CCSER1: variants seen among roughly 807,000 people sequenced by gnomAD.
The protein encoded by CCSER1 is coiled-coil serine rich protein 1.
In CCSER1, 41 loss-of-function variants were observed where a neutral mutation model predicts 82.0. The observed-to-expected ratio is 0.50, with a 90% CI of 0.39 to 0.65. CCSER1 has a LOEUF of 0.65. Ranked by LOEUF, CCSER1 falls within the 30% of genes least tolerant of loss-of-function variation. CCSER1 has a pLI of 0.00. For missense variants in CCSER1, 1,119 were observed against 1,064.2 expected (o/e 1.05, Z -0.72); for synonymous variants, 414 against 383.9 (o/e 1.08, Z -0.92).
chr4:91,338,498 GA>G (rs1747473135), intron 10 of CCSER1, among the ~76,000 whole-genome samples: 1 of 152,046 alleles, frequency 6.6e-6, no homozygotes, highest in African/African-American at 2.4e-5. Flanking sequence ...AATGAAAAAT[GA>G]AAATAATTTA....
chr4:91,328,846 A>G (rs6532297), intron 10 of CCSER1, among the ~76,000 whole-genome samples: 118,539 of 151,656 alleles, frequency 0.78, 47,032 homozygotes, highest in African/African-American at 0.92. Flanking sequence ...GGGACCACGT[A>G]GAGATAGTTG....
intron 10 of CCSER1, among the ~76,000 whole-genome samples, chr4:91,595,782 T>A (rs533861641): frequency 2.4e-4 from 37 of 152,004 alleles, no homozygotes; most frequent in African/African-American, 8.4e-4. Context: ...TTTCACATGA[T>A]GTATGCAGCA....
At chr4:90,993,798 C>G (rs1737250922) in intron 9 of CCSER1, among the ~76,000 whole-genome samples, 1 of 152,076 alleles carries the variant, frequency 6.6e-6, no homozygotes, top group Non-Finnish European at 1.5e-5. Flanking sequence ...CTTCCAAACA[C>G]TACCATATTG....
chr4:90,456,654 G>C (rs1048625166), intron 4 of CCSER1, among the ~76,000 whole-genome samples: 2 of 152,218 alleles, frequency 1.3e-5, no homozygotes, highest in Non-Finnish European at 2.9e-5. Flanking sequence ...GGGATTGGCA[G>C]TGTCCTCCCC....
At chr4:90,531,762 CA>C (rs1286440469) in intron 5 of CCSER1, among the ~76,000 whole-genome samples, 1 of 152,148 alleles carries the variant, frequency 6.6e-6, no homozygotes, top group Non-Finnish European at 1.5e-5. Flanking sequence ...GACATACATA[CA>C]CGCATGCATA....
chr4:90,768,284 T>A (rs987318245), intron 7 of CCSER1, among the ~76,000 whole-genome samples: 2 of 152,136 alleles, frequency 1.3e-5, no homozygotes, highest in African/African-American at 4.8e-5. Context: ...GTAGATGCAA[T>A]CTTTGAGTCA....
intron 1 of CCSER1, among the ~76,000 whole-genome samples, chr4:90,306,927 T>A (rs1473563083): frequency 6.6e-6 from 1 of 152,220 alleles, no homozygotes; most frequent in Non-Finnish European, 1.5e-5. Flanking sequence ...CTGTACAAGT[T>A]TGAATCCTTG....
intron 9 of CCSER1, among the ~76,000 whole-genome samples, chr4:91,078,635 A>T (rs1722303552): frequency 6.6e-6 from 1 of 152,230 alleles, no homozygotes; most frequent in Non-Finnish European, 1.5e-5. Context: ...AACTTCTCCG[A>T]GCTAAAGGAG....
intron 9 of CCSER1, among the ~76,000 whole-genome samples, chr4:91,036,962 C>T (rs1030003483): frequency 6.6e-6 from 1 of 151,864 alleles, no homozygotes; most frequent in East Asian, 1.9e-4. Flanking sequence ...CCTGTAATCT[C>T]GCTACTCAGG....
In CCSER1 at chr4:90,319,755, G is replaced by A. The variant is rs377125105; in HGVS notation, c.1509+6708G>A. Among the ~76,000 whole-genome samples the A allele has an allele frequency of 1.1e-4, 17 of 152,152 alleles. 1 individual carries two copies. In the East Asian group the frequency reaches 2.5e-3, roughly 22 times the overall value. On this transcript the variant is annotated intron_variant, in intron 3 of 10. Coordinates refer to ENST00000509176, the MANE Select transcript of CCSER1 (RefSeq NM_001145065.2). ...ATGTAAAAATGTTAATGGCTTTGGG[G>A]AGTTAAAATAACGATTGCAGTTTTT... is the stretch of plus-strand genomic sequence containing the variant.
chr4:90,810,390 G>T (rs141119824), intron 7 of CCSER1, among the ~76,000 whole-genome samples: 46 of 152,256 alleles, frequency 3.0e-4, no homozygotes, highest in African/African-American at 1.0e-3. Context: ...GCTCATGCCT[G>T]TAATCCCAGC....
intron 4 of CCSER1, among the ~76,000 whole-genome samples, chr4:90,444,006 G>T (rs948168043): frequency 6.6e-6 from 1 of 151,946 alleles, no homozygotes; most frequent in Non-Finnish European, 1.5e-5. Flanking sequence ...ATTATGTAGG[G>T]TGTAGAATTT....
intron 6 of CCSER1, among the ~76,000 whole-genome samples, chr4:90,635,460 A>G (rs1042684721): frequency 6.6e-6 from 1 of 151,670 alleles, no homozygotes; most frequent in African/African-American, 2.4e-5. Context: ...CTTCTATATA[A>G]CCCACAGACG....
At chr4:90,408,852 C>T (rs1035744249) in intron 4 of CCSER1, among the ~76,000 whole-genome samples, 11 of 152,136 alleles carry the variant, frequency 7.2e-5, no homozygotes, top group Non-Finnish European at 1.2e-4. Flanking sequence ...GGAGGAAGTT[C>T]GAACAAATGG....
At chr4:91,243,765 AC>A (rs1739557109) in intron 10 of CCSER1, among the ~76,000 whole-genome samples, 2 of 152,166 alleles carry the variant, frequency 1.3e-5, no homozygotes, top group African/African-American at 2.4e-5. Context: ...CAGCAGTAAT[AC>A]CCACGGAGTA....
chr4:90,816,850 A>G (rs1365405047), intron 8 of CCSER1, among the ~76,000 whole-genome samples: 1 of 152,164 alleles, frequency 6.6e-6, no homozygotes, highest in Non-Finnish European at 1.5e-5. Context: ...GGAGAAATTC[A>G]GAGCATAGTT....
At chr4:91,010,362 G>T (rs1016819343) in intron 9 of CCSER1, among the ~76,000 whole-genome samples, 1 of 152,062 alleles carries the variant, frequency 6.6e-6, no homozygotes, top group African/African-American at 2.4e-5. Flanking sequence ...TTTACTTTTT[G>T]ACAGTTTAAT....
intron 10 of CCSER1, among the ~76,000 whole-genome samples, chr4:91,530,926 A>T (rs1311816557): frequency 6.6e-6 from 1 of 152,006 alleles, no homozygotes; most frequent in African/African-American, 2.4e-5. Context: ...ACCTCAGGTG[A>T]TCCACCTGCC....
intron 8 of CCSER1, among the ~76,000 whole-genome samples, chr4:90,822,224 T>C (rs989435061): frequency 6.6e-6 from 1 of 152,212 alleles, no homozygotes; most frequent in East Asian, 1.9e-4. Context: ...TGTTTTAACT[T>C]GGATGACAAT....
Sources: allele counts gnomAD v4.1 joint callset (sites outside exome capture counted in the v4.1 genomes callset), GRCh38; gene constraint gnomAD v4.1.1; transcripts MANE v1.5; gene names NCBI Gene and HGNC (gene_info 2026-07-23, HGNC 2026-07-21).